The following XKR6 variants were observed in gnomAD, a reference collection of about 807,000 sequenced individuals.
XKR6 encodes XK-related protein 6.
A neutral mutation model predicts 56.7 loss-of-function variants in XKR6; 22 were observed. That is an observed-to-expected ratio of 0.39 (90% CI 0.28 to 0.55). The LOEUF is 0.55. XKR6 is among the 20% of genes least tolerant of loss of function. The pLI is 0.66. For missense variants in XKR6, 852 were observed against 889.0 expected (o/e 0.96, Z 0.53); for synonymous variants, 524 against 387.8 (o/e 1.35, Z -4.13).
At chr8:10,956,237 T>C (rs996209475) in intron 1 of XKR6, among the ~76,000 whole-genome samples, 1 of 152,228 alleles carries the variant, frequency 6.6e-6, no homozygotes, top group African/African-American at 2.4e-5. Flanking sequence ...AAAGTGAATT[T>C]GCGGAGCCTT....
chr8:10,983,485 TA>T (rs1324206674), intron 1 of XKR6, among the ~76,000 whole-genome samples: 1 of 151,880 alleles, frequency 6.6e-6, no homozygotes, highest in Non-Finnish European at 1.5e-5. Context: ...ATAGAAAAGG[TA>T]AAGAGAACAA....
At chr8:10,929,100 G>A (rs975349107) in intron 1 of XKR6, among the ~76,000 whole-genome samples, 5 of 152,194 alleles carry the variant, frequency 3.3e-5, no homozygotes, top group African/African-American at 9.7e-5. Flanking sequence ...AGGCAGGAGG[G>A]ATCTCCAAGC....
At chr8:11,171,745 T>C (rs1490155723) in intron 1 of XKR6, among the ~76,000 whole-genome samples, 1 of 152,112 alleles carries the variant, frequency 6.6e-6, no homozygotes, top group East Asian at 1.9e-4. Context: ...AATGAACTTT[T>C]TTCCTTTAAA....
chr8:10,896,083 T>TTATATATATA lies in XKR6; in HGVS notation c.*1859_*1868dup, dbSNP rs35728440. On this transcript the variant is annotated 3_prime_UTR_variant, in exon 3 of 3. Coordinates refer to ENST00000416569, the MANE Select transcript of XKR6 (RefSeq NM_173683.4). ...ATTTACTTAAAAATATTGTGTGTGT[T>TTATATATATA]TATATATATATATATATATATACTT... The TTATATATATA allele has an allele frequency of 2.1e-5, 3 of 141,180 alleles. No individual in the cohort carries two copies. Among genetic ancestry groups the TTATATATATA allele is most frequent in the East Asian group, 2.1e-4 (1 of 4,822 alleles). The allele number at this position is 141,180 out of a possible 1,614,324, so 8.7% of individuals were successfully genotyped here. A position where few individuals can be genotyped will look rare whatever the true frequency, so the allele number is the denominator to read the frequency against.
At chr8:11,062,569 G>A (rs1799863137) in intron 1 of XKR6, 1 of 361,148 alleles carries the variant, frequency 2.8e-6, no homozygotes, top group Non-Finnish European at 5.4e-6. Flanking sequence ...GGGCTGATTG[G>A]CTGATTAAAT....
chr8:11,042,355 G>A (rs895964864), intron 1 of XKR6, among the ~76,000 whole-genome samples: 8 of 152,054 alleles, frequency 5.3e-5, no homozygotes, highest in African/African-American at 1.9e-4. Context: ...ACATGTCATG[G>A]GAGGGACCCG....
chr8:11,187,913 C>T (rs1374161959), intron 1 of XKR6, among the ~76,000 whole-genome samples: 1 of 152,178 alleles, frequency 6.6e-6, no homozygotes, highest in East Asian at 1.9e-4. Context: ...TAATGCTGAG[C>T]GCAAGTTTCA....
In XKR6 at chr8:10,896,650, A is replaced by G. The variant is rs1194369472; in HGVS notation, c.*1302T>C. 1 of 152,632 alleles carries G rather than the reference A, an allele frequency of 6.6e-6. No individual in the cohort carries two copies. The highest frequency in any genetic ancestry group is 1.5e-5 in the Non-Finnish European group (1 of 68,038). The allele number at this position is 152,632 out of a possible 1,614,324, so 9.5% of individuals were successfully genotyped here. A position where few individuals can be genotyped will look rare whatever the true frequency, so the allele number is the denominator to read the frequency against. On this transcript the variant is annotated 3_prime_UTR_variant, in exon 3 of 3. Transcript: ENST00000416569. Reference sequence around the variant, plus strand: ...TGAGCTGAATGATTTTCAGCCAACCACAATGGTGAAAGACAGAAGCACCAA... The same window carrying G: ...TGAGCTGAATGATTTTCAGCCAACCGCAATGGTGAAAGACAGAAGCACCAA...
chr8:10,984,732 C>CTCTCTCTCTCTCTCTCTA, intron 1 of XKR6, among the ~76,000 whole-genome samples: 2 of 47,492 alleles, frequency 4.2e-5, no homozygotes, highest in Non-Finnish European at 8.4e-5. Flanking sequence ...CTCTCTCTCT[C>CTCTCTCTCTCTCTCTCTA]TATATATATA....
At chr8:11,173,821 T>A (rs542872246) in intron 1 of XKR6, among the ~76,000 whole-genome samples, 1 of 152,194 alleles carries the variant, frequency 6.6e-6, no homozygotes, top group Non-Finnish European at 1.5e-5. Flanking sequence ...ACTGCCAGTA[T>A]GTACCCACCC....
At chr8:11,170,265 T>C (rs138183444) in intron 1 of XKR6, among the ~76,000 whole-genome samples, 1,891 of 152,314 alleles carry the variant, frequency 0.012, 18 homozygotes, top group Middle Eastern at 0.041. Context: ...AGCCTTATTA[T>C]GTTCATAAAA....
At position 11,122,175 on chromosome 8, in the gene XKR6, C is replaced by T. The variant is rs541956786; in HGVS notation, c.764+78401G>A. Among the ~76,000 whole-genome samples the T allele has an allele frequency of 2.6e-5, 4 of 152,232 alleles. No individual in the cohort carries two copies. The South Asian group carries it at 8.3e-4, about 31-fold the overall frequency. On this transcript the variant is annotated intron_variant, in intron 1 of 2. Coordinates refer to ENST00000416569, the MANE Select transcript of XKR6 (RefSeq NM_173683.4). ...AGTGATCTTAAGTCTCCAAGCCCAG[C>T]TCCTTTGAAAATACGGTCTTGCCTT...
At chr8:10,929,149 A>C (rs1800986530) in intron 1 of XKR6, among the ~76,000 whole-genome samples, 1 of 152,194 alleles carries the variant, frequency 6.6e-6, no homozygotes, top group Non-Finnish European at 1.5e-5. Flanking sequence ...TCTTCAGGTG[A>C]GTGACCTCAC....
intron 2 of XKR6, among the ~76,000 whole-genome samples, chr8:10,910,077 A>G (rs923429224): frequency 6.6e-6 from 1 of 152,036 alleles, no homozygotes. Flanking sequence ...TTTGGCCTCT[A>G]GGGGACATTT....
intron 1 of XKR6, among the ~76,000 whole-genome samples, chr8:10,964,697 C>T (rs1217150433): frequency 6.6e-6 from 1 of 152,224 alleles, no homozygotes; most frequent in Non-Finnish European, 1.5e-5. Flanking sequence ...CGGGATCTTG[C>T]CTGCCCACCC....
chr8:11,172,582 G>C (rs1802435756), intron 1 of XKR6, among the ~76,000 whole-genome samples: 2 of 152,140 alleles, frequency 1.3e-5, no homozygotes, highest in Admixed American at 6.5e-5. Context: ...TCCCTGTTCT[G>C]AGCAGTTTCC....
Position 10,980,197 on chromosome 8 carries a change from G to A in XKR6, c.765-55367C>T, listed in dbSNP as rs188263803. On this transcript the variant is annotated intron_variant, in intron 1 of 2. Coordinates refer to ENST00000416569, the MANE Select transcript of XKR6 (RefSeq NM_173683.4). ...TGAGGCTGCAGTTCCCCACTGAGAG[G>A]GGCCTTCCAGGCAGAGGCAGGAAGG... Among the ~76,000 whole-genome samples, 267 of 152,296 alleles carry A rather than the reference G, an allele frequency of 1.8e-3. 3 individuals carry two copies. Among genetic ancestry groups the A allele is most frequent in the African/African-American group, 6.1e-3 (254 of 41,586 alleles).
intron 1 of XKR6, among the ~76,000 whole-genome samples, chr8:11,128,372 C>T (rs971998996): frequency 6.6e-6 from 1 of 152,296 alleles, no homozygotes; most frequent in East Asian, 1.9e-4. Flanking sequence ...TCTGTGCTGA[C>T]GCTCCAGATT....
At chr8:10,977,995 T>A (rs373402738) in intron 1 of XKR6, among the ~76,000 whole-genome samples, 5 of 152,176 alleles carry the variant, frequency 3.3e-5, no homozygotes, top group African/African-American at 1.2e-4. Flanking sequence ...TTCAGGTTTT[T>A]GCTCTTTTGA....
Sources: gnomAD v4.1 joint callset for allele counts (sites outside exome capture counted in the v4.1 genomes callset) on GRCh38, gnomAD v4.1.1 for gene constraint, MANE v1.5 for transcripts, NCBI Gene and HGNC (gene_info 2026-07-23, HGNC 2026-07-21) for gene names.